The following CPNE5 variants were observed in gnomAD, a reference collection of about 807,000 sequenced individuals.
CPNE5 encodes the protein copine-5.
CPNE5 carries 42 observed loss-of-function variants against 81.1 expected under a neutral mutation model. The observed-to-expected ratio is 0.52, with a 90% confidence interval of 0.40 to 0.67. The LOEUF is 0.67. Among genes scored for constraint, CPNE5 ranks in the 30% least tolerant of loss-of-function variants. The pLI, the probability that CPNE5 is intolerant of heterozygous loss-of-function variation, is 0.00. For synonymous variants in CPNE5, 313 were observed against 321.5 expected (o/e 0.97, Z 0.28); for missense variants, 612 against 815.5 (o/e 0.75, Z 3.04).
chr6:36,742,512 G>T, intron 20 of CPNE5, 26 bp from the exon 21 acceptor site: 4 of 1,599,810 alleles, frequency 2.5e-6, no homozygotes, highest in Non-Finnish European at 3.4e-6. Context: ...GCAGGGTCAG[G>T]CAGTGCCTCC....
intron 3 of CPNE5, among the ~76,000 whole-genome samples, chr6:36,820,020 G>A (rs959537831): frequency 6.6e-6 from 1 of 152,156 alleles, no homozygotes; most frequent in African/African-American, 2.4e-5. Context: ...ATCCCACCTC[G>A]CACCATGGAA....
At chr6:36,756,113 ATCTCT>A in intron 13 of CPNE5, 127 bp downstream of exon 13, 1 of 245,328 alleles carries the variant, frequency 4.1e-6, no homozygotes, top group Non-Finnish European at 7.5e-6. Flanking sequence ...TCCCCACCCC[ATCTCT>A]CTTGGATGTC....
At chr6:36,763,509 A>G (rs1766253077) in intron 11 of CPNE5, among the ~76,000 whole-genome samples, 1 of 151,422 alleles carries the variant, frequency 6.6e-6, no homozygotes, top group Admixed American at 6.6e-5. Flanking sequence ...AGGCTGAGGC[A>G]GGAGAATCGC....
intron 1 of CPNE5, among the ~76,000 whole-genome samples, chr6:36,830,197 A>C (rs1273333832): frequency 1.3e-5 from 2 of 152,156 alleles, no homozygotes; most frequent in Non-Finnish European, 2.9e-5. Context: ...AAGCTCATTT[A>C]AAGGTGCCCT....
intron 10 of CPNE5, among the ~76,000 whole-genome samples, chr6:36,768,225 C>CTTTTTTTTTTTTTTTTTTTTTTTTTT (rs10586762): frequency 9.9e-5 from 6 of 60,496 alleles, no homozygotes; most frequent in Non-Finnish European, 1.5e-4. Flanking sequence ...ATTCACAGTT[C>CTTTTTTTTTTTTTTTTTTTTTTTTTT]TTTTTTTTTT....
Position 36,839,195 on chromosome 6 carries a change from G to T in CPNE5, c.95+88C>A. On this transcript the variant is annotated intron_variant, in intron 1 of 20. Coordinates refer to ENST00000244751, the MANE Select transcript of CPNE5 (RefSeq NM_020939.2). This position sits in a 1 kb window ranked among gnomAD's most constrained non-coding sequence, Gnocchi z 7.3. ...GACCAGGACACTCTGGGAAGGGGGC[G>T]CGCGGAGGTTTAGGATCGAAGCGGC... The T allele has an allele frequency of 1.1e-6, 1 of 933,426 alleles. No homozygotes were observed. The allele number at this position is 933,426 out of a possible 1,614,324, so 57.8% of individuals were successfully genotyped here.
chr6:36,779,480 C>T (rs1767830181), intron 8 of CPNE5, among the ~76,000 whole-genome samples: 1 of 152,208 alleles, frequency 6.6e-6, no homozygotes, highest in East Asian at 1.9e-4. Flanking sequence ...CACATTGCCT[C>T]ACCACCTCAC....
chr6:36,805,841 A>G (rs1770542786), intron 3 of CPNE5, among the ~76,000 whole-genome samples: 1 of 152,240 alleles, frequency 6.6e-6, no homozygotes, highest in African/African-American at 2.4e-5. Flanking sequence ...AGCTGCATGA[A>G]TATCAATTAA....
intron 14 of CPNE5, 114 bp from the exon 15 acceptor site, chr6:36,748,381 C>G: frequency 3.3e-6 from 3 of 899,194 alleles, no homozygotes; most frequent in Non-Finnish European, 5.6e-6. Flanking sequence ...AGGTGTGTGG[C>G]CTTGGTGAAG....
chr6:36,814,096 G>A (rs1047066329), intron 3 of CPNE5, among the ~76,000 whole-genome samples: 23 of 152,198 alleles, frequency 1.5e-4, no homozygotes, highest in African/African-American at 5.5e-4. Flanking sequence ...GGCCTCATCT[G>A]ACAAATGCAT....
chr6:36,779,415 C>T (rs1767825874), intron 8 of CPNE5, among the ~76,000 whole-genome samples: 3 of 152,314 alleles, frequency 2.0e-5, no homozygotes, highest in Admixed American at 2.0e-4. Flanking sequence ...GGTGACATAG[C>T]AAACCCAAGG....
intron 3 of CPNE5, among the ~76,000 whole-genome samples, chr6:36,810,479 A>G (rs1274905960): frequency 1.3e-5 from 2 of 152,240 alleles, no homozygotes; most frequent in African/African-American, 4.8e-5. Flanking sequence ...TACCTGACTC[A>G]AATAGAAACG....
intron 8 of CPNE5, among the ~76,000 whole-genome samples, chr6:36,782,816 AACACAC>A (rs3997726): frequency 0.1 from 12,663 of 126,196 alleles, 682 homozygotes; most frequent in South Asian, 0.16. Context: ...CAAAAACCAA[AACACAC>A]ACACACACAC....
At position 36,798,007 on chromosome 6, in the gene CPNE5, G is replaced by A. The variant is rs577780506; in HGVS notation, c.404+158C>T. ...TTCCCCTGAAATACCTGGATTAGAA[G>A]CCCTGTGAGAGCAGTGAGGCATGGG... On this transcript the variant is annotated intron_variant, in intron 6 of 20. Coordinates refer to ENST00000244751, the MANE Select transcript of CPNE5 (RefSeq NM_020939.2). Among the ~76,000 whole-genome samples the A allele has an allele frequency of 3.4e-3, 514 of 152,228 alleles. 1 individual carries two copies. The highest frequency in any genetic ancestry group is 0.012 in the African/African-American group (503 of 41,544).
chr6:36,819,853 G>A (rs1401761638), intron 3 of CPNE5, among the ~76,000 whole-genome samples: 2 of 152,166 alleles, frequency 1.3e-5, no homozygotes, highest in Admixed American at 6.5e-5. Context: ...ATGGGATGAG[G>A]CTGCCAAGGC....
chr6:36,770,944 C>T (rs936792886), intron 10 of CPNE5, among the ~76,000 whole-genome samples: 1 of 152,140 alleles, frequency 6.6e-6, no homozygotes, highest in East Asian at 1.9e-4. Context: ...GCCGATCACA[C>T]TGCCCATTTC....
intron 1 of CPNE5, among the ~76,000 whole-genome samples, chr6:36,832,782 C>T (rs1773070833): frequency 6.6e-6 from 1 of 152,230 alleles, no homozygotes; most frequent in Non-Finnish European, 1.5e-5. Flanking sequence ...TGCCCCAGAG[C>T]TTTCCAGCCT....
At chr6:36,772,586 C>T (rs76473648) in intron 10 of CPNE5, among the ~76,000 whole-genome samples, 3,309 of 152,314 alleles carry the variant, frequency 0.022, 99 homozygotes, top group African/African-American at 0.072. Flanking sequence ...CGTTTAAATC[C>T]GCACAGCTAG....
chr6:36,762,227 C>CAA (rs57426698), intron 12 of CPNE5, among the ~76,000 whole-genome samples: 98,273 of 122,642 alleles, frequency 0.8, 39,235 homozygotes, highest in Middle Eastern at 0.87. Flanking sequence ...GGCCCTGTCT[C>CAA]AAAAAAAAAA....
Sources: gnomAD v4.1 joint callset for allele counts (sites outside exome capture counted in the v4.1 genomes callset) on GRCh38, gnomAD v4.1.1 for gene constraint, Gnocchi (gnomAD v3.1) non-coding constraint, MANE v1.5 for transcripts, NCBI Gene and HGNC (gene_info 2026-07-23, HGNC 2026-07-21) for gene names.